PTPRT: variants seen among roughly 807,000 people sequenced by gnomAD.
The protein encoded by PTPRT is receptor-type tyrosine-protein phosphatase T.
PTPRT carries 56 observed loss-of-function variants against 176.8 expected under a neutral mutation model. That is an observed-to-expected ratio of 0.32 (90% CI 0.26 to 0.40). The LOEUF is 0.40. Ranked by LOEUF, PTPRT falls within the 10% of genes least tolerant of loss-of-function variation. PTPRT has a pLI of 1.00. For missense variants in PTPRT, 1,540 were observed against 1,908.2 expected, an observed-to-expected ratio of 0.81 and a Z score of 3.60; for synonymous variants, 783 against 739.0, an observed-to-expected ratio of 1.06 and a Z score of -0.96.
chr20:42,894,412 A>G (rs1451947880), intron 1 of PTPRT, among the ~76,000 whole-genome samples: 1 of 152,152 alleles, frequency 6.6e-6, no homozygotes, highest in African/African-American at 2.4e-5. Context: ...AGTGCCCAGC[A>G]CTGTTCTCAG....
chr20:42,697,744 A>G (rs912572245), intron 6 of PTPRT, among the ~76,000 whole-genome samples: 1 of 152,260 alleles, frequency 6.6e-6, no homozygotes, highest in Non-Finnish European at 1.5e-5. Flanking sequence ...CAATAAAATG[A>G]GAAGTGAATT....
At chr20:42,465,558 A>G (rs985852730) in intron 8 of PTPRT, among the ~76,000 whole-genome samples, 1 of 152,220 alleles carries the variant, frequency 6.6e-6, no homozygotes, top group African/African-American at 2.4e-5. Context: ...CACAAGATGC[A>G]AAGTATATCA....
chr20:42,051,575 A>T, the PTPRT span, among the ~76,000 whole-genome samples: 22 of 152,308 alleles, frequency 1.4e-4, no homozygotes, highest in East Asian at 4.2e-3. Flanking sequence ...GATGAACGAC[A>T]GGCTGAGACC....
chr20:42,236,391 G>T, intron 14 of PTPRT, 133 bp from the exon 15 acceptor site: 1 of 732,534 alleles, frequency 1.4e-6, no homozygotes. Flanking sequence ...GCATCCCTAA[G>T]CTCAAGGAGA....
chr20:42,603,833 G>T (rs563219535), intron 7 of PTPRT, among the ~76,000 whole-genome samples: 4 of 152,198 alleles, frequency 2.6e-5, no homozygotes, highest in African/African-American at 7.2e-5. Context: ...GGATATTGGC[G>T]CAAACAGTGA....
intron 1 of PTPRT, among the ~76,000 whole-genome samples, chr20:43,097,226 A>C (rs2012208613): frequency 6.6e-6 from 1 of 152,176 alleles, no homozygotes; most frequent in African/African-American, 2.4e-5. Context: ...AGGATCAGAG[A>C]AACTCATGCT....
At chr20:42,553,639 T>C (rs1306858758) in intron 7 of PTPRT, among the ~76,000 whole-genome samples, 1 of 152,140 alleles carries the variant, frequency 6.6e-6, no homozygotes, top group Non-Finnish European at 1.5e-5. Flanking sequence ...CCCCACACTT[T>C]CACTTTCTCT....
At position 42,624,054 on chromosome 20, in the gene PTPRT, T is replaced by G. The variant is rs180715439; in HGVS notation, c.1153+53812A>C. 1.2e-4 allele frequency among the ~76,000 whole-genome samples: 18 copies of G among 144,172 alleles called. No homozygotes were observed. In the East Asian group the frequency reaches 3.5e-3, roughly 28 times the overall value. 94.6% of individuals were successfully genotyped at this position (144,172 alleles called of 152,430 possible). ...AAAAAAAACCCTGCTGAACTCAGAT[T>G]CTGATTCAGCTAGCATGAAGCCATG... On this transcript the variant is annotated intron_variant, in intron 7 of 30. Transcript: ENST00000373187.
intron 9 of PTPRT, among the ~76,000 whole-genome samples, chr20:42,441,646 G>A (rs2059316952): frequency 6.6e-6 from 1 of 152,172 alleles, no homozygotes; most frequent in South Asian, 2.1e-4. Flanking sequence ...AGCATCTGAG[G>A]GGTGCTCAGA....
At chr20:43,184,807 T>C (rs2015350561) in intron 1 of PTPRT, among the ~76,000 whole-genome samples, 1 of 152,176 alleles carries the variant, frequency 6.6e-6, no homozygotes, top group African/African-American at 2.4e-5. Flanking sequence ...CCCTTTGGAA[T>C]GTATATCTAG....
chr20:42,940,232 A>G (rs950609855), intron 1 of PTPRT, among the ~76,000 whole-genome samples: 10 of 152,176 alleles, frequency 6.6e-5, no homozygotes, highest in South Asian at 2.1e-4. Flanking sequence ...AGTTTCTTCT[A>G]CCTCTGAAAT....
At chr20:42,826,623 T>C (rs2077998540) in intron 2 of PTPRT, among the ~76,000 whole-genome samples, 1 of 152,194 alleles carries the variant, frequency 6.6e-6, no homozygotes, top group African/African-American at 2.4e-5. Flanking sequence ...TGCAGAGCAG[T>C]GACACGATAA....
chr20:42,892,928 G>A (rs2079220535), intron 1 of PTPRT, among the ~76,000 whole-genome samples: 1 of 152,154 alleles, frequency 6.6e-6, no homozygotes, highest in Non-Finnish European at 1.5e-5. Flanking sequence ...GAGCCAGGCT[G>A]GGGCCCACAG....
intron 6 of PTPRT, among the ~76,000 whole-genome samples, chr20:42,744,418 G>T (rs1304948832): frequency 6.6e-6 from 1 of 152,184 alleles, no homozygotes; most frequent in Non-Finnish European, 1.5e-5. Flanking sequence ...AAAGATAATT[G>T]CTCAGCTTTC....
At chr20:42,890,490 T>C (rs561109548) in intron 1 of PTPRT, among the ~76,000 whole-genome samples, 108 of 152,204 alleles carry the variant, frequency 7.1e-4, no homozygotes, top group African/African-American at 2.5e-3. Context: ...TTGTAACATT[T>C]AAGAAATCCA....
intron 7 of PTPRT, among the ~76,000 whole-genome samples, chr20:42,630,220 T>C (rs1448986122): frequency 6.6e-6 from 1 of 152,100 alleles, no homozygotes; most frequent in Non-Finnish European, 1.5e-5. Flanking sequence ...AGACAGCTTC[T>C]AGGAGCTAGA....
chr20:42,115,824 G>A (rs1367352670), intron 21 of PTPRT, among the ~76,000 whole-genome samples: 1 of 152,130 alleles, frequency 6.6e-6, no homozygotes, highest in Non-Finnish European at 1.5e-5. Context: ...GTGGTTGGGA[G>A]GGGGACATCA....
intron 23 of PTPRT, among the ~76,000 whole-genome samples, chr20:42,109,002 G>A (rs1172017525): frequency 1.3e-5 from 2 of 152,008 alleles, no homozygotes; most frequent in Non-Finnish European, 2.9e-5. Flanking sequence ...GAGATGGGGG[G>A]CATTAATGAT....
intron 1 of PTPRT, among the ~76,000 whole-genome samples, chr20:43,045,951 TAA>T (rs1374914908): frequency 1.3e-5 from 2 of 152,098 alleles, no homozygotes; most frequent in Admixed American, 1.3e-4. Context: ...TCACAAGGAC[TAA>T]GTCATGCAGA....
Sources: allele counts gnomAD v4.1 joint callset (sites outside exome capture counted in the v4.1 genomes callset), GRCh38; gene constraint gnomAD v4.1.1; transcripts MANE v1.5; gene names NCBI Gene and HGNC (gene_info 2026-07-23, HGNC 2026-07-21).